RALGAPA2: variants seen among roughly 807,000 people sequenced by gnomAD.
RALGAPA2 encodes Ral GTPase activating protein catalytic subunit alpha 2.
Under a neutral mutation model 230.4 loss-of-function variants are expected in RALGAPA2, and 139 were observed. That is an observed-to-expected ratio of 0.60 (90% CI 0.53 to 0.69). RALGAPA2 has a LOEUF of 0.69. RALGAPA2 is among the 30% of genes least tolerant of loss of function. RALGAPA2 has a pLI of 0.00. For missense variants in RALGAPA2, 2,163 were observed against 2,276.0 expected, an observed-to-expected ratio of 0.95 and a Z score of 1.01; for synonymous variants, 847 against 837.8, an observed-to-expected ratio of 1.01 and a Z score of -0.19.
In RALGAPA2 at chr20:20,682,832, G is replaced by T. The variant is rs549237589; in HGVS notation, c.107-2031C>A. On this transcript the variant is annotated intron_variant, in intron 1 of 39. Coordinates refer to ENST00000202677, the MANE Select transcript of RALGAPA2 (RefSeq NM_020343.4). Reference sequence around the variant, plus strand: ...CTACAACTTATAAACCTACAGGGAAGAAATAGCCTAACCCTCAATCCTTGG... The same window carrying T: ...CTACAACTTATAAACCTACAGGGAATAAATAGCCTAACCCTCAATCCTTGG... 2.6e-5 allele frequency among the ~76,000 whole-genome samples: 4 copies of T among 152,278 alleles called. No homozygotes were observed. The South Asian group carries it at 8.3e-4, about 32-fold the overall frequency.
chr20:20,390,711 A>T lies in RALGAPA2; in HGVS notation c.*2578T>A, dbSNP rs1480840099. On this transcript the variant is annotated 3_prime_UTR_variant, in exon 40 of 40. Transcript: ENST00000202677. ...TAAGTAAAAAAAAAATAAAAAAGAA[A>T]CTTGATCATTGCAATTTTCCACCCC... 2.1e-5 allele frequency: 3 copies of T among 143,470 alleles called. No homozygotes were observed. The highest frequency in any genetic ancestry group is 6.0e-5 in the African/African-American group (2 of 33,452). The allele number at this position is 143,470 out of a possible 1,614,324, so 8.9% of individuals were successfully genotyped here.
chr20:20,432,530 C>T (rs1361754716), intron 37 of RALGAPA2, among the ~76,000 whole-genome samples: 1 of 152,096 alleles, frequency 6.6e-6, no homozygotes, highest in Non-Finnish European at 1.5e-5. Flanking sequence ...CTTGGTAATG[C>T]CACCTAATCC....
intron 3 of RALGAPA2, among the ~76,000 whole-genome samples, chr20:20,673,779 C>T (rs919805661): frequency 2.6e-5 from 4 of 152,098 alleles, no homozygotes; most frequent in African/African-American, 9.7e-5. Flanking sequence ...AGAAGAAATG[C>T]TTGACAACAG....
At chr20:20,611,875 GAC>G (rs2065986289) in intron 13 of RALGAPA2, among the ~76,000 whole-genome samples, 1 of 152,162 alleles carries the variant, frequency 6.6e-6, no homozygotes, top group African/African-American at 2.4e-5. Context: ...TTATTTTGGG[GAC>G]ACACACAGTC....
At position 20,505,255 on chromosome 20, in the gene RALGAPA2, T is replaced by TA. The variant is rs1358478910; in HGVS notation, c.5052+155dup. 3 of 909,754 alleles carry TA rather than the reference T, an allele frequency of 3.3e-6. No homozygotes were observed. The Admixed American group carries it at 1.9e-4, about 56-fold the overall frequency. The allele number at this position is 909,754 out of a possible 1,614,324, so 56.4% of individuals were successfully genotyped here. ...CATGTATTAAATACTGACAAGCAAC[T>TA]AACAGATGTCAAATCCAATAAATTC... On this transcript the variant is annotated intron_variant, in intron 34 of 39. Coordinates refer to ENST00000202677, the MANE Select transcript of RALGAPA2 (RefSeq NM_020343.4).
At chr20:20,468,963 T>TG (rs2061480717) in intron 37 of RALGAPA2, among the ~76,000 whole-genome samples, 8 of 143,288 alleles carry the variant, frequency 5.6e-5, no homozygotes, top group African/African-American at 2.0e-4. Flanking sequence ...GTGTGTGTGT[T>TG]TGTGTGTGTG....
Position 20,536,738 on chromosome 20 carries a change from A to T in RALGAPA2, c.3332T>A (p.Phe1111Tyr). The T allele has an allele frequency of 6.2e-7, 1 of 1,613,080 alleles. No individual in the cohort carries two copies. The highest frequency in any genetic ancestry group is 8.5e-7 in the Non-Finnish European group (1 of 1,179,214). The change falls in exon 25 of 40, where the codon TTT becomes TAT. Residue 1111 changes from phenylalanine to tyrosine, a missense_variant. Transcript: ENST00000202677. ...AGGAATCTCCTGGTAGGTATTTGGAAAGCAGACCAGAGAGCCGAGGACAGT... is the reference window on the plus strand; with the variant it reads ...AGGAATCTCCTGGTAGGTATTTGGATAGCAGACCAGAGAGCCGAGGACAGT... ...AVTVLGSLVC[F>Y]PNTYQEIPLL...
chr20:20,543,431 G>C (rs540035332), intron 24 of RALGAPA2, among the ~76,000 whole-genome samples: 2 of 152,120 alleles, frequency 1.3e-5, no homozygotes, highest in Non-Finnish European at 2.9e-5. Flanking sequence ...ACATGCACAC[G>C]TGTGTTTATA....
chr20:20,622,090 C>T (rs2066341690), intron 10 of RALGAPA2, among the ~76,000 whole-genome samples: 2 of 152,042 alleles, frequency 1.3e-5, no homozygotes, highest in Admixed American at 6.5e-5. Context: ...CTCAAAAACT[C>T]AGTGTATATG....
chr20:20,690,435 T>A (rs533106812), intron 1 of RALGAPA2, among the ~76,000 whole-genome samples: 1 of 152,190 alleles, frequency 6.6e-6, no homozygotes, highest in Admixed American at 6.5e-5. Context: ...CATCAGGAGA[T>A]ATCCCATCAG....
At chr20:20,607,006 T>C (rs573061897) in intron 14 of RALGAPA2, among the ~76,000 whole-genome samples, 2 of 152,220 alleles carry the variant, frequency 1.3e-5, no homozygotes, top group South Asian at 2.1e-4. Flanking sequence ...CCAAAGTCTA[T>C]GTAAGTCCCA....
intron 18 of RALGAPA2, 89 bp downstream of exon 18, chr20:20,589,179 A>T (rs1343698822): frequency 7.1e-7 from 1 of 1,406,642 alleles, no homozygotes; most frequent in Non-Finnish European, 9.3e-7. Flanking sequence ...AAATATTTTA[A>T]TTATCACTGC....
intron 10 of RALGAPA2, 43 bp downstream of exon 10, chr20:20,629,320 A>AACAC (rs11467035): frequency 0.1 from 110,235 of 1,098,856 alleles, 1,802 homozygotes; most frequent in East Asian, 0.24. Flanking sequence ...AAGAACTTGT[A>AACAC]ACACACACAC....
chr20:20,543,402 A>G (rs906933918), intron 24 of RALGAPA2, among the ~76,000 whole-genome samples: 5 of 152,184 alleles, frequency 3.3e-5, no homozygotes, highest in African/African-American at 1.2e-4. Context: ...AGGATTATAA[A>G]TCATGCTGCT....
rs77554804 is a variant in RALGAPA2, at chr20:20,468,517, C to A, written c.5495+4312G>T. 3.7e-3 allele frequency among the ~76,000 whole-genome samples: 565 copies of A among 152,208 alleles called. 3 individuals are homozygous for A. Among genetic ancestry groups the A allele is most frequent in the African/African-American group, 0.013 (542 of 41,550 alleles). On this transcript the variant is annotated intron_variant, in intron 37 of 39. Transcript: ENST00000202677. ...AATTCAGTTCTAGGTCCTCTTATAC[C>A]CAATCCTCCAGGTGAAGACTTGAGT...
chr20:20,534,672 A>G (rs1408395159), intron 26 of RALGAPA2, among the ~76,000 whole-genome samples: 1 of 152,140 alleles, frequency 6.6e-6, no homozygotes, highest in Non-Finnish European at 1.5e-5. Context: ...TTTACCATCA[A>G]GGTCTACTAA....
rs529248546 is a variant in RALGAPA2, at chr20:20,587,224, A to C, written c.2439+2044T>G. Reference sequence around the variant, plus strand: ...ACAGAAGACTTCTCAGCAACAAAGAAAGACAAAAGATTATGGAAAAATAAC... The same window carrying C: ...ACAGAAGACTTCTCAGCAACAAAGACAGACAAAAGATTATGGAAAAATAAC... On this transcript the variant is annotated intron_variant, in intron 18 of 39. Transcript: ENST00000202677. 2.6e-5 allele frequency among the ~76,000 whole-genome samples: 4 copies of C among 152,296 alleles called. No individual in the cohort carries two copies. In the South Asian group the frequency reaches 8.3e-4, roughly 32 times the overall value.
chr20:20,491,461 C>T (rs1569441705), intron 36 of RALGAPA2, among the ~76,000 whole-genome samples: 1 of 152,194 alleles, frequency 6.6e-6, no homozygotes, highest in East Asian at 1.9e-4. Flanking sequence ...TGGAAATAAA[C>T]ATGCCCAAAC....
chr20:20,575,126 G>GCCCTGGAGCTTTTGTCTT (rs1209433278), intron 20 of RALGAPA2, among the ~76,000 whole-genome samples: 1 of 152,160 alleles, frequency 6.6e-6, no homozygotes, highest in Non-Finnish European at 1.5e-5. Context: ...ACACTGAAGA[G>GCCCTGGAGCTTTTGTCTT]CCCTGGAGCT....
Sources: allele counts gnomAD v4.1 joint callset (sites outside exome capture counted in the v4.1 genomes callset), GRCh38; gene constraint gnomAD v4.1.1; transcripts MANE v1.5; gene names NCBI Gene and HGNC (gene_info 2026-07-23, HGNC 2026-07-21).